HAUS6: variants seen among roughly 807,000 people sequenced by gnomAD.
The protein encoded by HAUS6 is HAUS augmin-like complex subunit 6.
In HAUS6, 80 loss-of-function variants were observed where a neutral mutation model predicts 106.8. The observed-to-expected ratio is 0.75, with a 90% CI of 0.63 to 0.90. The LOEUF (loss-of-function observed/expected upper bound fraction) is 0.90, where lower values mean the gene tolerates loss of function less well. Ranked by LOEUF, HAUS6 falls within the 40% of genes least tolerant of loss-of-function variation. The pLI is 0.00. For synonymous variants in HAUS6, 356 were observed against 379.1 expected, an observed-to-expected ratio of 0.94 and a Z score of 0.71; for missense variants, 1,155 against 1,118.1, an observed-to-expected ratio of 1.03 and a Z score of -0.47.
chr9:19,095,076 G>C (rs1391042200), intron 2 of HAUS6, among the ~76,000 whole-genome samples: 1 of 151,530 alleles, frequency 6.6e-6, no homozygotes, highest in Non-Finnish European at 1.5e-5. Context: ...TTGCCAGAGA[G>C]AAACATAAAC....
intron 1 of HAUS6, among the ~76,000 whole-genome samples, chr9:19,099,513 G>A (rs752397773): frequency 6.6e-6 from 1 of 152,122 alleles, no homozygotes; most frequent in Non-Finnish European, 1.5e-5. Flanking sequence ...TACCCAGGCT[G>A]GAGTGCAGTG....
chr9:19,058,852 A>T lies in HAUS6; in HGVS notation c.1915T>A (p.Phe639Ile). ...TCTGATACAGTGGTTTCTAAGAGAA[A>T]ATCAGCCATGCTAAATTCTCTTTGA... is the stretch of plus-strand genomic sequence containing the variant. Reference protein sequence around the residue: ...HNQREFSMADFLLETTVSDFG... With the variant: ...HNQREFSMADILLETTVSDFG... The change falls in exon 16 of 17, where the codon TTT becomes ATT. Residue 639 changes from phenylalanine (F) to isoleucine (I), a missense_variant. By Grantham distance (21) the Phe-to-Ile change is conservative. Around this residue, in one of 3 missense-constraint regions of HAUS6, gnomAD observed 380 missense variants for 394.8 expected, o/e 0.96. Coordinates refer to ENST00000380502, the MANE Select transcript of HAUS6 (RefSeq NM_017645.5). 1 of 1,614,094 alleles carries T rather than the reference A, an allele frequency of 6.2e-7. No homozygotes were observed. Among genetic ancestry groups the T allele is most frequent in the Non-Finnish European group, 8.5e-7 (1 of 1,179,926 alleles).
At position 19,056,160 on chromosome 9, in the gene HAUS6, A is replaced by G. The variant is rs116301869; in HGVS notation, c.*183T>C. On this transcript the variant is annotated 3_prime_UTR_variant, in exon 17 of 17. Coordinates refer to ENST00000380502, the MANE Select transcript of HAUS6 (RefSeq NM_017645.5). ...CAATCTCATATACCTACAAAGAGGAAAAAATCCAAACATACTTTCCTTACC... is the reference window on the plus strand; with the variant it reads ...CAATCTCATATACCTACAAAGAGGAGAAAATCCAAACATACTTTCCTTACC... 1,499 of 501,746 alleles carry G rather than the reference A, an allele frequency of 3.0e-3. 18 individuals are homozygous for G. Among genetic ancestry groups the G allele is most frequent in the African/African-American group, 0.027 (1,382 of 52,146 alleles). 31.1% of individuals were successfully genotyped at this position (501,746 alleles called of 1,614,324 possible). A position where few individuals can be genotyped will look rare whatever the true frequency, so the allele number is the denominator to read the frequency against.
In HAUS6 at chr9:19,063,110, T is replaced by C. The variant is rs13302748; in HGVS notation, c.1527A>G (p.Leu509=). 0.44 allele frequency: 699,583 copies of C among 1,599,828 alleles called. 156,292 individuals are homozygous for C. The highest frequency in any genetic ancestry group is 0.46 in the Non-Finnish European group (532,003 of 1,169,160). Residue 509 remains leucine (L), a synonymous_variant, in exon 14 of 17, where the codon TTA becomes TTG. Coordinates refer to ENST00000380502, the MANE Select transcript of HAUS6 (RefSeq NM_017645.5). ...TCTCTGTATTCTTTGCAACATCTGA[T>C]AATGGAGAATTTTCCACTTCAAATT... ...IPEFEVENSP[L]SDVAKNTESS...
At chr9:19,075,119 G>C (rs1034901782) in intron 11 of HAUS6, among the ~76,000 whole-genome samples, 1 of 152,172 alleles carries the variant, frequency 6.6e-6, no homozygotes, top group African/African-American at 2.4e-5. Context: ...GCTATGCTAA[G>C]TGAAAGAAGC....
At position 19,102,558 on chromosome 9, in the gene HAUS6, A is replaced by T. The variant is rs1818013559; in HGVS notation, c.94T>A (p.Cys32Ser). Residue 32 changes from cysteine to serine, a missense_variant, in exon 1 of 17, where the codon TGC becomes AGC. By Grantham distance (112) the Cys-to-Ser change is moderately radical. This residue lies in a region of HAUS6 where 761 missense variants were observed against 690.0 expected (regional missense o/e 1.10). Transcript: ENST00000380502. ...GFEPGPATIA[C>S]GKIVSHTHLG... is the part of the protein sequence containing the mutation. ...TGCGTGTGCGACACGATCTTTCCGCAGGCAATGGTTGCCGGGCCTGGCTCG... is the reference window on the plus strand; with the variant it reads ...TGCGTGTGCGACACGATCTTTCCGCTGGCAATGGTTGCCGGGCCTGGCTCG... The T allele has an allele frequency of 6.2e-7, 1 of 1,613,806 alleles. No individual in the cohort carries two copies. Among genetic ancestry groups the T allele is most frequent in the Non-Finnish European group, 8.5e-7 (1 of 1,179,830 alleles).
At position 19,058,347 on chromosome 9, in the gene HAUS6, A is replaced by G; in HGVS notation, c.2420T>C (p.Met807Thr). The change falls in exon 16 of 17, where the codon ATG becomes ACG. Residue 807 changes from methionine to threonine, a missense_variant. Around this residue, in one of 3 missense-constraint regions of HAUS6, gnomAD observed 380 missense variants for 394.8 expected, o/e 0.96. Transcript: ENST00000380502. ...ATCTTCTAGAAGAGTGCCACCATGC[A>G]TAGGACTATTTGGCTCCAGTTTAAA... Reference protein sequence around the residue: ...ANFKLEPNSPMHGGTLLEDVV... With the variant: ...ANFKLEPNSPTHGGTLLEDVV... 1.2e-6 allele frequency: 2 copies of G among 1,613,948 alleles called. No individual in the cohort carries two copies. The highest frequency in any genetic ancestry group is 1.7e-6 in the Non-Finnish European group (2 of 1,179,836).
intron 8 of HAUS6, 52 bp downstream of exon 8, chr9:19,082,821 C>A: frequency 2.3e-6 from 2 of 886,244 alleles, no homozygotes; most frequent in South Asian, 2.5e-5. Flanking sequence ...AGAAAATATA[C>A]AATTACATGA....
At chr9:19,062,123 T>A (rs1003740371) in intron 14 of HAUS6, among the ~76,000 whole-genome samples, 3 of 152,212 alleles carry the variant, frequency 2.0e-5, no homozygotes, top group African/African-American at 7.2e-5. Context: ...TGCTGAGCAA[T>A]GGTAGTATTG....
intron 1 of HAUS6, among the ~76,000 whole-genome samples, chr9:19,100,818 TA>T (rs2131162143): frequency 6.6e-6 from 1 of 152,296 alleles, no homozygotes; most frequent in Admixed American, 6.5e-5. Context: ...GTCATTATCT[TA>T]AGTAAAATAA....
At chr9:19,095,606 C>G (rs559493039) in intron 2 of HAUS6, among the ~76,000 whole-genome samples, 7 of 151,868 alleles carry the variant, frequency 4.6e-5, no homozygotes, top group Admixed American at 2.0e-4. Flanking sequence ...ACCTATTATC[C>G]TGCATACTCA....
chr9:19,095,752 CT>C (rs1365281310), intron 2 of HAUS6, among the ~76,000 whole-genome samples: 3 of 152,002 alleles, frequency 2.0e-5, no homozygotes, highest in Non-Finnish European at 4.4e-5. Context: ...AATTTGAACA[CT>C]TTTTTAGATA....
intron 13 of HAUS6, 100 bp from the exon 14 acceptor site, chr9:19,063,293 G>A: frequency 1.3e-6 from 1 of 789,766 alleles, no homozygotes; most frequent in South Asian, 1.9e-5. Flanking sequence ...ACCTATAAAA[G>A]GTTGTTAATA....
chr9:19,063,331 G>A (rs548819680), intron 13 of HAUS6, 138 bp from the exon 14 acceptor site: 2 of 682,688 alleles, frequency 2.9e-6, no homozygotes, highest in East Asian at 2.8e-5. Context: ...GTCACTGGCA[G>A]AATTAACTAA....
chr9:19,091,720 G>A (rs1003485169), intron 4 of HAUS6, among the ~76,000 whole-genome samples: 1 of 152,104 alleles, frequency 6.6e-6, no homozygotes, highest in Non-Finnish European at 1.5e-5. Flanking sequence ...GGAATGCAGT[G>A]GTGCGATCTT....
rs1836433187 is a variant in HAUS6 at position 19,054,686 on chromosome 9, A to G, written c.*1657T>C. On this transcript the variant is annotated 3_prime_UTR_variant, in exon 17 of 17. Coordinates refer to ENST00000380502, the MANE Select transcript of HAUS6 (RefSeq NM_017645.5). Reference sequence around the variant, plus strand: ...ATCTCTACCCAAGTATATATGCAACAACGTACCTGCTTCTTAAAAGTACCA... The same window carrying G: ...ATCTCTACCCAAGTATATATGCAACGACGTACCTGCTTCTTAAAAGTACCA... 6.6e-6 allele frequency: 1 copy of G among 152,260 alleles called. No homozygotes were observed. Among genetic ancestry groups the G allele is most frequent in the Non-Finnish European group, 1.5e-5 (1 of 68,040 alleles). 9.4% of individuals were successfully genotyped at this position (152,260 alleles called of 1,614,324 possible).
Position 19,063,100 on chromosome 9 carries a change from C to T in HAUS6, c.1537G>A (p.Ala513Thr), listed in dbSNP as rs199865674. ...EVENSPLSDV[A>T]KNTESSAFGG... ...AATGCACTACTCTCTGTATTCTTTG[C>T]AACATCTGATAATGGAGAATTTTCC... is the stretch of plus-strand genomic sequence containing the variant. The change falls in exon 14 of 17, where the codon GCA becomes ACA. Residue 513 changes from alanine (A) to threonine (T), a missense_variant. Coordinates refer to ENST00000380502, the MANE Select transcript of HAUS6 (RefSeq NM_017645.5). 1.3e-4 allele frequency: 211 copies of T among 1,604,900 alleles called. No individual in the cohort carries two copies. Among genetic ancestry groups the T allele is most frequent in the Admixed American group, 6.6e-4 (39 of 59,480 alleles).
intron 4 of HAUS6, among the ~76,000 whole-genome samples, chr9:19,091,890 G>A (rs1341835604): frequency 1.3e-5 from 2 of 152,022 alleles, no homozygotes; most frequent in African/African-American, 4.8e-5. Flanking sequence ...TCGAACTCCT[G>A]ACCTCAAGTG....
chr9:19,096,641 GA>G, intron 2 of HAUS6, 32 bp downstream of exon 2: 1 of 838,746 alleles, frequency 1.2e-6, no homozygotes, highest in Non-Finnish European at 1.9e-6. Flanking sequence ...AATTTGGAAA[GA>G]AATTTAAGAA....
Sources: gnomAD v4.1 joint callset for allele counts (sites outside exome capture counted in the v4.1 genomes callset) on GRCh38, gnomAD v4.1.1 for gene constraint, gnomAD v4.1.1 regional missense constraint, MANE v1.5 for transcripts, NCBI Gene and HGNC (gene_info 2026-07-23, HGNC 2026-07-21) for gene names.